The following ETV5 variants were observed in gnomAD, a reference collection of about 807,000 sequenced individuals.
The protein encoded by ETV5 is ETS variant transcription factor 5, also known as ETS translocation variant 5.
ETV5 carries 10 observed loss-of-function variants against 70.0 expected under a neutral mutation model. That is an observed-to-expected ratio of 0.14 (90% CI 0.09 to 0.24). ETV5 has a LOEUF of 0.24. Ranked by LOEUF, ETV5 falls within the 10% of genes least tolerant of loss-of-function variation. The pLI, the probability that ETV5 is intolerant of heterozygous loss-of-function variation, is 1.00. For synonymous variants in ETV5, 216 were observed against 242.2 expected (o/e 0.89, Z 1.01); for missense variants, 453 against 651.2 (o/e 0.70, Z 3.31).
chr3:186,082,343 C>A (rs1339677851), intron 5 of ETV5, among the ~76,000 whole-genome samples: 1 of 151,958 alleles, frequency 6.6e-6, no homozygotes, highest in Non-Finnish European at 1.5e-5. Context: ...CATTTTGACT[C>A]AATGTTTACT....
rs902333747 is a variant in ETV5 at position 186,047,264 on chromosome 3, A to C, written c.*1375T>G. ...TTTCCAATATAATACAGCAATGAGAATAATTTCTTTTTAAAAAAAGGCAGG... is the reference window on the plus strand; with the variant it reads ...TTTCCAATATAATACAGCAATGAGACTAATTTCTTTTTAAAAAAAGGCAGG... On this transcript the variant is annotated 3_prime_UTR_variant, in exon 13 of 13. Coordinates refer to ENST00000306376, the MANE Select transcript of ETV5 (RefSeq NM_004454.3). 4 of 229,124 alleles carry C rather than the reference A, an allele frequency of 1.7e-5. No individual in the cohort carries two copies. In the East Asian group the frequency reaches 1.9e-4, roughly 11 times the overall value. The allele number at this position is 229,124 out of a possible 1,614,324, so 14.2% of individuals were successfully genotyped here.
At chr3:186,090,216 G>C (rs1028622372) in intron 5 of ETV5, among the ~76,000 whole-genome samples, 1 of 152,158 alleles carries the variant, frequency 6.6e-6, no homozygotes, top group Non-Finnish European at 1.5e-5. Context: ...GCCTGTTACT[G>C]AATTGGAAGG....
chr3:186,085,215 C>T (rs562987522), intron 5 of ETV5, among the ~76,000 whole-genome samples: 1 of 152,220 alleles, frequency 6.6e-6, no homozygotes, highest in East Asian at 1.9e-4. Flanking sequence ...ATTATATTGG[C>T]TCCCAGAAGG....
intron 7 of ETV5, among the ~76,000 whole-genome samples, chr3:186,073,272 CT>C (rs1160225382): frequency 6.6e-6 from 1 of 152,112 alleles, no homozygotes; most frequent in Non-Finnish European, 1.5e-5. Context: ...AGGAAGTGTC[CT>C]TTAGTATAGT....
rs747190559 is a variant in ETV5 at position 186,048,600 on chromosome 3, T to C, written c.*39A>G. On this transcript the variant is annotated 3_prime_UTR_variant, in exon 13 of 13. Coordinates refer to ENST00000306376, the MANE Select transcript of ETV5 (RefSeq NM_004454.3). Reference sequence around the variant, plus strand: ...TGCCCTTGTTTGCCTGAATGGGAACTGCTAGCTCTAGGGTTTGGCCACTCC... The same window carrying C: ...TGCCCTTGTTTGCCTGAATGGGAACCGCTAGCTCTAGGGTTTGGCCACTCC... The C allele has an allele frequency of 6.4e-7, 1 of 1,572,690 alleles. No individual in the cohort carries two copies. The highest frequency in any genetic ancestry group is 8.7e-7 in the Non-Finnish European group (1 of 1,143,014).
Position 186,052,260 on chromosome 3 carries a change from G to A in ETV5, c.1210-129C>T. 1 of 780,582 alleles carries A rather than the reference G, an allele frequency of 1.3e-6. No individual in the cohort carries two copies. The highest frequency in any genetic ancestry group is 2.1e-6 in the Non-Finnish European group (1 of 476,058). 48.4% of individuals were successfully genotyped at this position (780,582 alleles called of 1,614,324 possible). ...AATGATCTGCTACTCTGACCTGGAA[G>A]GGAAGGCATTTAACTCCCTCAAGAC... On this transcript the variant is annotated intron_variant, in intron 11 of 12. Coordinates refer to ENST00000306376, the MANE Select transcript of ETV5 (RefSeq NM_004454.3). This position sits in a 1 kb window ranked among gnomAD's most constrained non-coding sequence, Gnocchi z 4.5.
intron 1 of ETV5, chr3:186,108,665 A>G (rs964499769): frequency 3.5e-6 from 4 of 1,146,500 alleles, no homozygotes; most frequent in Non-Finnish European, 4.4e-6. Flanking sequence ...GAGCCCCCGC[A>G]CTCGCGCTCC....
intron 7 of ETV5, among the ~76,000 whole-genome samples, chr3:186,067,323 T>G (rs1210811088): frequency 1.3e-5 from 2 of 152,230 alleles, no homozygotes; most frequent in Non-Finnish European, 2.9e-5. Flanking sequence ...TCCCAGCTAC[T>G]CTGGAGGCTG....
chr3:186,076,993 C>A (rs1194096930), intron 7 of ETV5, among the ~76,000 whole-genome samples: 1 of 152,196 alleles, frequency 6.6e-6, no homozygotes, highest in Admixed American at 6.5e-5. Context: ...CAAATAAAAT[C>A]ATAACTGAAA....
intron 12 of ETV5, among the ~76,000 whole-genome samples, chr3:186,051,248 A>T (rs1345910550): frequency 3.9e-5 from 6 of 152,222 alleles, no homozygotes; most frequent in Admixed American, 3.9e-4. Flanking sequence ...AGTTCTCAGC[A>T]GTTTTGCCCA....
At chr3:186,091,357 A>G (rs1714178806) in intron 5 of ETV5, among the ~76,000 whole-genome samples, 1 of 152,214 alleles carries the variant, frequency 6.6e-6, no homozygotes, top group Non-Finnish European at 1.5e-5. Flanking sequence ...GCTATTTGTC[A>G]TATGTCTCGG....
intron 5 of ETV5, chr3:186,084,249 C>T (rs1713999942): frequency 2.4e-6 from 1 of 424,606 alleles, no homozygotes; most frequent in African/African-American, 2.3e-5. Flanking sequence ...GAAAAGGGAT[C>T]ATGAACTCTT....
chr3:186,065,763 G>A (rs778412634), intron 8 of ETV5, 50 bp downstream of exon 8: 31 of 1,610,898 alleles, frequency 1.9e-5, no homozygotes, highest in Non-Finnish European at 2.5e-5. Context: ...TGAATAACGA[G>A]ACAGAAGAAT....
chr3:186,063,691 A>G (rs1192347549), intron 9 of ETV5, among the ~76,000 whole-genome samples: 1 of 152,212 alleles, frequency 6.6e-6, no homozygotes, highest in Non-Finnish European at 1.5e-5. Context: ...TAAAAATCCA[A>G]TGAGAAAACA....
intron 9 of ETV5, among the ~76,000 whole-genome samples, chr3:186,059,149 A>G (rs537687902): frequency 6.6e-6 from 1 of 152,314 alleles, no homozygotes; most frequent in South Asian, 2.1e-4. Context: ...TGGCAGGAGC[A>G]GCACCATTTT....
chr3:186,071,860 C>T (rs914308160), intron 7 of ETV5, among the ~76,000 whole-genome samples: 5 of 151,618 alleles, frequency 3.3e-5, no homozygotes, highest in African/African-American at 1.2e-4. Flanking sequence ...TTCAGTGGCG[C>T]GATCTCGGCT....
chr3:186,056,417 C>A (rs1713163451), intron 11 of ETV5, among the ~76,000 whole-genome samples: 2 of 151,864 alleles, frequency 1.3e-5, no homozygotes, highest in South Asian at 4.2e-4. Flanking sequence ...TTTTTATTTT[C>A]TTTTATTTTT....
intron 7 of ETV5, among the ~76,000 whole-genome samples, chr3:186,073,574 T>G (rs543946639): frequency 3.3e-5 from 5 of 152,322 alleles, no homozygotes; most frequent in African/African-American, 7.2e-5. Flanking sequence ...GGATGAGAGA[T>G]AATAAAAATC....
chr3:186,063,463 A>ACTGCTC (rs1713360160), intron 9 of ETV5, among the ~76,000 whole-genome samples: 1 of 152,222 alleles, frequency 6.6e-6, no homozygotes, highest in African/African-American at 2.4e-5. Flanking sequence ...AACCTTGCCT[A>ACTGCTC]CTGCTCCTGC....
Sources: allele counts gnomAD v4.1 joint callset (sites outside exome capture counted in the v4.1 genomes callset), GRCh38; gene constraint gnomAD v4.1.1; non-coding constraint Gnocchi (gnomAD v3.1); transcripts MANE v1.5; gene names NCBI Gene and HGNC (gene_info 2026-07-23, HGNC 2026-07-21).